The following UPP1 variants were observed in gnomAD, a reference collection of about 807,000 sequenced individuals.
The protein encoded by UPP1 is UPase 1.
UPP1 carries 25 observed loss-of-function variants against 29.6 expected under a neutral mutation model. That is an observed-to-expected ratio of 0.85 (90% CI 0.62 to 1.18). The LOEUF (loss-of-function observed/expected upper bound fraction) is 1.18. Ranked by LOEUF, UPP1 falls within the 50% of genes most tolerant of loss-of-function variation. UPP1 has a pLI of 0.00. For missense variants in UPP1, 368 were observed against 410.4 expected, an observed-to-expected ratio of 0.90 and a Z score of 0.89; for synonymous variants, 165 against 159.8, an observed-to-expected ratio of 1.03 and a Z score of -0.25.
intron 2 of UPP1, among the ~76,000 whole-genome samples, chr7:48,093,282 A>G (rs749586415): frequency 3.3e-5 from 5 of 152,204 alleles, no homozygotes; most frequent in Non-Finnish European, 7.3e-5. Context: ...AATAAATCCC[A>G]TTCTCCAAAA....
chr7:48,096,570 TTTC>T (rs150952938), intron 3 of UPP1, among the ~76,000 whole-genome samples: 5,574 of 152,206 alleles, frequency 0.037, 236 homozygotes, highest in African/African-American at 0.11. Context: ...CCCATCTCAT[TTTC>T]TTCTTGTCTC....
At chr7:48,097,667 C>A (rs1039157191) in intron 3 of UPP1, among the ~76,000 whole-genome samples, 2 of 152,128 alleles carry the variant, frequency 1.3e-5, no homozygotes, top group East Asian at 3.8e-4. Context: ...TTAATCACAT[C>A]CTGTTTTGTT....
chr7:48,098,008 G>C (rs1421030083), intron 3 of UPP1, among the ~76,000 whole-genome samples: 2 of 152,166 alleles, frequency 1.3e-5, no homozygotes, highest in Admixed American at 1.3e-4. Flanking sequence ...AGGGGCAGGC[G>C]GGTGTGGCTC....
At chr7:48,105,481 C>A (rs906414295) in intron 6 of UPP1, 1 of 152,150 alleles carries the variant, frequency 6.6e-6, no homozygotes, top group Non-Finnish European at 1.5e-5. Context: ...CTTCTTGTTC[C>A]CTCCCACATG....
rs1400874564 is a variant in UPP1 at position 48,107,086 on chromosome 7, A to G, written c.646+4A>G. The G allele has an allele frequency of 1.2e-6, 2 of 1,611,140 alleles. No individual in the cohort carries two copies. Among genetic ancestry groups the G allele is most frequent in the Non-Finnish European group, 8.5e-7 (1 of 1,179,260 alleles). On this transcript the variant is annotated splice_donor_region_variant and intron_variant, in intron 7 of 8. Transcript: ENST00000395564. ...TGCACCTTGGACTTCTATGAAGGTG[A>G]GGCAGCGGATACGAGGAGGCATCTT...
chr7:48,107,881 C>T (rs1402190317), intron 8 of UPP1, among the ~76,000 whole-genome samples: 1 of 152,208 alleles, frequency 6.6e-6, no homozygotes, highest in Non-Finnish European at 1.5e-5. Flanking sequence ...CACAGCTCTG[C>T]AGAATTCCCT....
At chr7:48,090,663 A>G (rs1417046150) in intron 2 of UPP1, among the ~76,000 whole-genome samples, 1 of 152,212 alleles carries the variant, frequency 6.6e-6, no homozygotes, top group Non-Finnish European at 1.5e-5. Flanking sequence ...CTGGATTTCT[A>G]CAAGCGCTGC....
Position 48,098,240 on chromosome 7 carries a change from A to G in UPP1, c.45-1430A>G, listed in dbSNP as rs112081728. 7.7e-3 allele frequency among the ~76,000 whole-genome samples: 1,169 copies of G among 152,262 alleles called. 5 individuals are homozygous for G. The highest frequency in any genetic ancestry group is 0.044 in the Middle Eastern group (13 of 294). Reference sequence around the variant, plus strand: ...TGTGAGCTCACCTGGGCCCCACTCTAGGGGAATTGATGGGAAGGAACATTT... The same window carrying G: ...TGTGAGCTCACCTGGGCCCCACTCTGGGGGAATTGATGGGAAGGAACATTT... On this transcript the variant is annotated intron_variant, in intron 3 of 8. Coordinates refer to ENST00000395564, the MANE Select transcript of UPP1 (RefSeq NM_003364.4).
At chr7:48,092,315 A>G (rs908102960) in intron 2 of UPP1, among the ~76,000 whole-genome samples, 6 of 152,214 alleles carry the variant, frequency 3.9e-5, no homozygotes, top group Admixed American at 2.0e-4. Context: ...CTCAGTCGGT[A>G]GGTCTGCTTA....
chr7:48,091,686 TC>T (rs1278717542), intron 2 of UPP1, among the ~76,000 whole-genome samples: 1 of 152,098 alleles, frequency 6.6e-6, no homozygotes, highest in Non-Finnish European at 1.5e-5. Flanking sequence ...AAATAGACCC[TC>T]CCTGAGTGCA....
chr7:48,092,493 C>T (rs1419999645), intron 2 of UPP1, among the ~76,000 whole-genome samples: 2 of 152,050 alleles, frequency 1.3e-5, no homozygotes, highest in Non-Finnish European at 2.9e-5. Flanking sequence ...CACTGTCCTT[C>T]ATTTGGCCCC....
At chr7:48,104,183 A>C (rs1278468031) in intron 6 of UPP1, among the ~76,000 whole-genome samples, 1 of 152,154 alleles carries the variant, frequency 6.6e-6, no homozygotes, top group Non-Finnish European at 1.5e-5. Flanking sequence ...GCGCCACTGC[A>C]CTTCAGCCTG....
At chr7:48,107,178 C>T (rs1180764041) in intron 7 of UPP1, 96 bp downstream of exon 7, 28 of 1,487,522 alleles carry the variant, frequency 1.9e-5, no homozygotes, top group South Asian at 1.2e-5. Flanking sequence ...TTTCCACTTG[C>T]CAGGCTGCTG....
chr7:48,091,494 G>A (rs933320262), intron 2 of UPP1, among the ~76,000 whole-genome samples: 1 of 152,184 alleles, frequency 6.6e-6, no homozygotes, highest in African/African-American at 2.4e-5. Flanking sequence ...TTCTAGAGAG[G>A]TGAGAGAAGA....
intron 1 of UPP1, 61 bp from the exon 2 acceptor site, chr7:48,090,127 C>A (rs1467758895): frequency 6.6e-6 from 1 of 152,234 alleles, no homozygotes; most frequent in African/African-American, 2.4e-5. Context: ...ACATAATTTG[C>A]ATGGGGAAGG....
chr7:48,103,709 A>T, intron 6 of UPP1: 1 of 1,264,004 alleles, frequency 7.9e-7, no homozygotes, highest in South Asian at 1.3e-5. Context: ...ATTCTGTCTT[A>T]TTCTTTCTAA....
chr7:48,096,091 TG>T (rs1294321962), intron 3 of UPP1, among the ~76,000 whole-genome samples: 1 of 151,998 alleles, frequency 6.6e-6, no homozygotes, highest in East Asian at 1.9e-4. Context: ...AGGAGGCTGG[TG>T]GGGGTGGAGG....
intron 4 of UPP1, among the ~76,000 whole-genome samples, chr7:48,100,062 G>T (rs1792340267): frequency 6.6e-6 from 1 of 152,170 alleles, no homozygotes; most frequent in South Asian, 2.1e-4. Flanking sequence ...TCCGAGAAAT[G>T]CAGCCTTAGG....
chr7:48,101,808 T>C lies in UPP1; in HGVS notation c.163-16T>C. Reference sequence around the variant, plus strand: ...TAGACAGTGCACTAATGGGGGTCTCTCTTCTCTGGCTGCAGTTTGTGTGTG... The same window carrying C: ...TAGACAGTGCACTAATGGGGGTCTCCCTTCTCTGGCTGCAGTTTGTGTGTG... On this transcript the variant is annotated splice_polypyrimidine_tract_variant and intron_variant, in intron 4 of 8. Coordinates refer to ENST00000395564, the MANE Select transcript of UPP1 (RefSeq NM_003364.4). The C allele has an allele frequency of 1.2e-6, 2 of 1,612,296 alleles. No individual in the cohort carries two copies. The highest frequency in any genetic ancestry group is 1.1e-5 in the South Asian group (1 of 90,830).
Sources: gnomAD v4.1 joint callset for allele counts (sites outside exome capture counted in the v4.1 genomes callset) on GRCh38, gnomAD v4.1.1 for gene constraint, MANE v1.5 for transcripts, NCBI Gene and HGNC (gene_info 2026-07-23, HGNC 2026-07-21) for gene names.